Variants in DLG4 observed in about 807,000 individuals in gnomAD.
DLG4 encodes the protein disks large homolog 4.
Under a neutral mutation model 93.8 loss-of-function variants are expected in DLG4, and 7 were observed. The observed-to-expected ratio is 0.07, with a 90% confidence interval of 0.04 to 0.14. The LOEUF is 0.14. Among genes scored for constraint, DLG4 ranks in the 10% least tolerant of loss-of-function variants. The pLI, the probability that DLG4 is intolerant of heterozygous loss-of-function variation, is 1.00. For missense variants in DLG4, 545 were observed against 992.9 expected (o/e 0.55, Z 6.06); for synonymous variants, 341 against 387.6 (o/e 0.88, Z 1.41).
intron 1 of DLG4, among the ~76,000 whole-genome samples, chr17:7,215,038 G>A (rs1478562798): frequency 1.3e-5 from 2 of 152,194 alleles, no homozygotes; most frequent in Admixed American, 6.5e-5. Context: ...GGAGCCATGT[G>A]CCCCCTGCAG....
At position 7,187,313 on chromosome 17, in the gene DLG4, G is replaced by C. The variant is rs1017376153; in HGVS notation, c.*3395C>G. ...CTAGCACTTTGGGAGGCCGAGGGGG[G>C]GGGGGGTGGATCACCCGAGGTCAGG... is the stretch of plus-strand genomic sequence containing the variant. On this transcript the variant is annotated 3_prime_UTR_variant, in exon 20 of 20. Transcript: ENST00000399506. 2.5e-5 allele frequency among the ~76,000 whole-genome samples: 3 copies of C among 122,344 alleles called. No homozygotes were observed. The highest frequency in any genetic ancestry group is 7.8e-5 in the African/African-American group (3 of 38,556). The allele number at this position is 122,344 out of a possible 152,430, so 80.3% of individuals were successfully genotyped here. A position where few individuals can be genotyped will look rare whatever the true frequency, so the allele number is the denominator to read the frequency against.
Position 7,191,516 on chromosome 17 carries a change from C to T in DLG4, c.1977-158G>A. ...CCTCTGGGGCCACAGATGAGAACCA[C>T]CCCCCACCCCCCTGCCACCCGCAAC... On this transcript the variant is annotated intron_variant, in intron 18 of 19. Coordinates refer to ENST00000399506, the MANE Select transcript of DLG4 (RefSeq NM_001321075.3). The surrounding 1 kb of genome is among the most constrained non-coding windows in gnomAD (Gnocchi z 6.6). The T allele has an allele frequency of 1.5e-6, 1 of 666,304 alleles. No individual in the cohort carries two copies. Among genetic ancestry groups the T allele is most frequent in the Non-Finnish European group, 2.6e-6 (1 of 387,978 alleles). The allele number at this position is 666,304 out of a possible 1,614,324, so 41.3% of individuals were successfully genotyped here.
At chr17:7,198,248 C>T (rs1035211726) in intron 8 of DLG4, among the ~76,000 whole-genome samples, 1 of 152,126 alleles carries the variant, frequency 6.6e-6, no homozygotes, top group Non-Finnish European at 1.5e-5. Flanking sequence ...CTGTGGAGGC[C>T]AAGGCAGGCA....
rs756296025 is a variant in DLG4 at position 7,204,203 on chromosome 17, C to T, written c.146G>A (p.Gly49Glu). ...IVNTDTLEAP[G>E]YELQVNGTEG... The stretch of plus-strand genomic sequence containing the variant: ...CCCAAAATCTAAACAACTCACATAT[C>T]CTGGGGCTTCTAGGGTATCTGTGTT... The change falls in exon 3 of 20, where the codon GGA becomes GAA. Residue 49 changes from glycine (G) to glutamate (E), a missense_variant. By Grantham distance (98) the Gly-to-Glu change is moderately conservative. Around this residue, in one of 5 missense-constraint regions of DLG4, gnomAD observed 49 missense variants for 80.4 expected, o/e 0.61. Transcript: ENST00000399506. 43 of 1,606,906 alleles carry T rather than the reference C, an allele frequency of 2.7e-5. No individual in the cohort carries two copies. Among genetic ancestry groups the T allele is most frequent in the Non-Finnish European group, 3.5e-5 (41 of 1,175,222 alleles).
chr17:7,196,462 C>T lies in DLG4; in HGVS notation c.1186+11G>A, dbSNP rs777429284. On this transcript the variant is annotated intron_variant, in intron 10 of 19. Coordinates refer to ENST00000399506, the MANE Select transcript of DLG4 (RefSeq NM_001321075.3). The surrounding 1 kb of genome is among the most constrained non-coding windows in gnomAD (Gnocchi z 8.3). ...TTCAGCTCACAAGACAAGGAACTTC[C>T]GGCCTGGTACCTTCTGGTTTATACT... 19 of 1,613,740 alleles carry T rather than the reference C, an allele frequency of 1.2e-5. No homozygotes were observed. The highest frequency in any genetic ancestry group is 9.9e-5 in the South Asian group (9 of 91,074).
intron 17 of DLG4, chr17:7,192,317 G>A: frequency 2.8e-6 from 1 of 362,968 alleles, no homozygotes; most frequent in Non-Finnish European, 5.0e-6. Context: ...CAGCGAGTGG[G>A]GCGGGGTGTG....
chr17:7,202,845 A>G (rs1185979327), intron 8 of DLG4, 58 bp downstream of exon 8: 1 of 1,601,508 alleles, frequency 6.2e-7, no homozygotes, highest in Admixed American at 1.7e-5. Flanking sequence ...GTGGGACTGC[A>G]TGTCATGGGT....
intron 17 of DLG4, 122 bp downstream of exon 17, chr17:7,192,823 G>T: frequency 9.3e-7 from 1 of 1,074,670 alleles, no homozygotes; most frequent in Non-Finnish European, 1.3e-6. Flanking sequence ...GGAGGTGGAG[G>T]AGCGGAGTGG....
Position 7,193,831 on chromosome 17 carries a change from T to C in DLG4, c.1543+13A>G, listed in dbSNP as rs2069628009. The C allele has an allele frequency of 6.2e-7, 1 of 1,613,066 alleles. No homozygotes were observed. The highest frequency in any genetic ancestry group is 8.5e-7 in the Non-Finnish European group (1 of 1,179,538). ...TCCTCTCACCCACATCTTCCCGAAC[T>C]AACCCTACCTACCCTGCGATCCAGA... On this transcript the variant is annotated intron_variant, in intron 14 of 19. Transcript: ENST00000399506. The surrounding 1 kb of genome is among the most constrained non-coding windows in gnomAD (Gnocchi z 6.7).
rs1031743877 is a variant in DLG4, at chr17:7,187,927, G to A, written c.*2781C>T. Among the ~76,000 whole-genome samples, 2 of 152,040 alleles carry A rather than the reference G, an allele frequency of 1.3e-5. No homozygotes were observed. Among genetic ancestry groups the A allele is most frequent in the Admixed American group, 1.3e-4 (2 of 15,252 alleles). ...CTACTAAAAATATTAAAAAATAGCT[G>A]TGTGTTATGGCACGCATCTGTAATC... On this transcript the variant is annotated 3_prime_UTR_variant, in exon 20 of 20. Coordinates refer to ENST00000399506, the MANE Select transcript of DLG4 (RefSeq NM_001321075.3).
rs1192743346 is a variant in DLG4, at chr17:7,188,824, C to T, written c.*1884G>A. 1.3e-5 allele frequency among the ~76,000 whole-genome samples: 2 copies of T among 152,098 alleles called. No individual in the cohort carries two copies. Among genetic ancestry groups the T allele is most frequent in the African/African-American group, 4.8e-5 (2 of 41,420 alleles). ...TCAGATCTTTCCCATAGAGATAGGA[C>T]ATAAAGGCTGGGCGTAGTGGCTCAT... On this transcript the variant is annotated 3_prime_UTR_variant, in exon 20 of 20. Coordinates refer to ENST00000399506, the MANE Select transcript of DLG4 (RefSeq NM_001321075.3).
Position 7,191,250 on chromosome 17 carries a change from C to T in DLG4, c.2068+17G>A. On this transcript the variant is annotated intron_variant, in intron 19 of 19. Transcript: ENST00000399506. The surrounding 1 kb of genome is among the most constrained non-coding windows in gnomAD (Gnocchi z 6.6). ...AGGGCACCCTACATGCTGGCAACAGCCTTGCTGTGGCCTCACCTGAGAAGC... is the reference window on the plus strand; with the variant it reads ...AGGGCACCCTACATGCTGGCAACAGTCTTGCTGTGGCCTCACCTGAGAAGC... 6 of 1,613,382 alleles carry T rather than the reference C, an allele frequency of 3.7e-6. No homozygotes were observed. Among genetic ancestry groups the T allele is most frequent in the Non-Finnish European group, 5.1e-6 (6 of 1,179,452 alleles).
intron 19 of DLG4, 103 bp from the exon 20 acceptor site, chr17:7,190,917 C>G (rs1261330014): frequency 1.1e-6 from 1 of 875,072 alleles, no homozygotes; most frequent in Non-Finnish European, 1.9e-6. Context: ...CTTTCCAACT[C>G]TCCAAGCCAT....
chr17:7,213,808 A>G (rs1269520684), intron 1 of DLG4: 1 of 471,174 alleles, frequency 2.1e-6, no homozygotes, highest in Non-Finnish European at 4.4e-6. Flanking sequence ...CACCCAAGCG[A>G]GATTGACCCC....
At chr17:7,207,697 C>T (rs1323047570) in intron 2 of DLG4, among the ~76,000 whole-genome samples, 2 of 151,904 alleles carry the variant, frequency 1.3e-5, no homozygotes, top group Non-Finnish European at 2.9e-5. Context: ...CACACGCATA[C>T]AGCACACGCA....
At position 7,195,696 on chromosome 17, in the gene DLG4, C is replaced by T. The variant is rs2069738419; in HGVS notation, c.1301+524G>A. Reference sequence around the variant, plus strand: ...TGCAAGCCACAGGGCCAGACAGGGACAGAAGTGGAGGGGTGACCCCCGGGG... The same window carrying T: ...TGCAAGCCACAGGGCCAGACAGGGATAGAAGTGGAGGGGTGACCCCCGGGG... On this transcript the variant is annotated intron_variant, in intron 11 of 19. Transcript: ENST00000399506. The surrounding 1 kb of genome is among the most constrained non-coding windows in gnomAD (Gnocchi z 4.3). Among the ~76,000 whole-genome samples, 1 of 151,848 alleles carries T rather than the reference C, an allele frequency of 6.6e-6. No individual in the cohort carries two copies. The highest frequency in any genetic ancestry group is 6.6e-5 in the Admixed American group (1 of 15,254).
At position 7,194,183 on chromosome 17, in the gene DLG4, G is replaced by A. The variant is rs1008891071; in HGVS notation, c.1478+136C>T. The A allele has an allele frequency of 1.6e-5, 21 of 1,348,964 alleles. No individual in the cohort carries two copies. The highest frequency in any genetic ancestry group is 2.9e-5 in the African/African-American group (2 of 68,542). 83.6% of individuals were successfully genotyped at this position (1,348,964 alleles called of 1,614,324 possible). ...CTTCCCAAAGGCTCATGGGAGCCAC[G>A]GACCCCAGGAGGGCCCAACAGACAA... On this transcript the variant is annotated intron_variant, in intron 12 of 19. Coordinates refer to ENST00000399506, the MANE Select transcript of DLG4 (RefSeq NM_001321075.3). This position sits in a 1 kb window ranked among gnomAD's most constrained non-coding sequence, Gnocchi z 4.4.
chr17:7,193,375 C>T lies in DLG4; in HGVS notation c.1693+108G>A. 8.6e-7 allele frequency: 1 copy of T among 1,161,640 alleles called. No homozygotes were observed. The highest frequency in any genetic ancestry group is 1.2e-6 in the Non-Finnish European group (1 of 845,094). 72.0% of individuals were successfully genotyped at this position (1,161,640 alleles called of 1,614,324 possible). A position where few individuals can be genotyped will look rare whatever the true frequency, so the allele number is the denominator to read the frequency against. On this transcript the variant is annotated intron_variant, in intron 16 of 19. Coordinates refer to ENST00000399506, the MANE Select transcript of DLG4 (RefSeq NM_001321075.3). The surrounding 1 kb of genome is among the most constrained non-coding windows in gnomAD (Gnocchi z 6.7). ...CCCTTCTCGGAGAAACCCTGTATCT[C>T]CCTACACACCGATCCCCCAGGAGGC... is the stretch of plus-strand genomic sequence containing the variant.
chr17:7,216,980 A>G (rs2070944771), intron 1 of DLG4, 138 bp downstream of exon 1: 2 of 851,874 alleles, frequency 2.3e-6, no homozygotes, highest in Non-Finnish European at 3.2e-6. Context: ...GTGAACCCCA[A>G]AACTAAATTA....
Sources: allele counts gnomAD v4.1 joint callset (sites outside exome capture counted in the v4.1 genomes callset), GRCh38; gene constraint gnomAD v4.1.1; regional missense constraint gnomAD v4.1.1; non-coding constraint Gnocchi (gnomAD v3.1); transcripts MANE v1.5; gene names NCBI Gene and HGNC (gene_info 2026-07-23, HGNC 2026-07-21).